CNTN5: variants seen among roughly 807,000 people sequenced by gnomAD.
The protein encoded by CNTN5 is contactin 5, also known as contactin-5.
CNTN5 carries 77 observed loss-of-function variants against 129.1 expected under a neutral mutation model. The observed-to-expected ratio is 0.60, with a 90% CI of 0.50 to 0.72. The LOEUF is 0.72. Ranked by LOEUF, CNTN5 falls within the 30% of genes least tolerant of loss-of-function variation. CNTN5 has a pLI of 0.00. For synonymous variants in CNTN5, 509 were observed against 465.6 expected (o/e 1.09, Z -1.20); for missense variants, 1,478 against 1,328.8 (o/e 1.11, Z -1.75).
chr11:99,841,865 CATATATACACATACAT>C (rs1947510990), intron 4 of CNTN5, among the ~76,000 whole-genome samples: 1 of 115,592 alleles, frequency 8.7e-6, no homozygotes, highest in Admixed American at 1.0e-4. Flanking sequence ...TATATACACA[CATATATACACATACAT>C]ATACATATAT....
chr11:99,036,478 G>C (rs1015780881), intron 1 of CNTN5, among the ~76,000 whole-genome samples: 8 of 151,888 alleles, frequency 5.3e-5, no homozygotes, highest in African/African-American at 1.7e-4. Context: ...AGTTATACAT[G>C]ATTTATATGA....
At chr11:100,137,842 A>C (rs1352241937) in intron 13 of CNTN5, among the ~76,000 whole-genome samples, 3 of 152,172 alleles carry the variant, frequency 2.0e-5, no homozygotes, top group Non-Finnish European at 4.4e-5. Flanking sequence ...GTAAAGCATT[A>C]CCCATATTTC....
intron 21 of CNTN5, among the ~76,000 whole-genome samples, chr11:100,329,796 G>T (rs766823791): frequency 1.5e-4 from 23 of 152,138 alleles, no homozygotes; most frequent in Non-Finnish European, 3.4e-4. Context: ...CATCAAGGGA[G>T]CACCCCATAG....
chr11:99,223,741 C>T (rs1860527621), intron 1 of CNTN5, among the ~76,000 whole-genome samples: 1 of 152,180 alleles, frequency 6.6e-6, no homozygotes, highest in Non-Finnish European at 1.5e-5. Flanking sequence ...TTCTTTCTCA[C>T]AGGTGAAAAT....
At chr11:100,053,773 T>G (rs1191114515) in intron 9 of CNTN5, among the ~76,000 whole-genome samples, 1 of 151,822 alleles carries the variant, frequency 6.6e-6, no homozygotes, top group Non-Finnish European at 1.5e-5. Context: ...GTATAAAGTT[T>G]TATTCATAAT....
At chr11:99,459,958 A>G (rs1401170091) in intron 2 of CNTN5, among the ~76,000 whole-genome samples, 1 of 152,022 alleles carries the variant, frequency 6.6e-6, no homozygotes, top group Non-Finnish European at 1.5e-5. Context: ...ATTACTAGAC[A>G]CATGGAAATT....
intron 16 of CNTN5, among the ~76,000 whole-genome samples, chr11:100,241,274 C>T (rs1013411115): frequency 6.6e-5 from 10 of 152,214 alleles, no homozygotes; most frequent in Non-Finnish European, 1.0e-4. Flanking sequence ...GGATCACCTT[C>T]GATGGATGGA....
intron 3 of CNTN5, among the ~76,000 whole-genome samples, chr11:99,678,522 C>A (rs140506629): frequency 2.0e-5 from 3 of 151,966 alleles, no homozygotes; most frequent in Non-Finnish European, 4.4e-5. Flanking sequence ...AGCACTTATA[C>A]GAGAAAGAAA....
Position 99,170,036 on chromosome 11 carries a change from A to G in CNTN5, c.-210+148766A>G, listed in dbSNP as rs1441584555. ...TCTTGTTTTCCAGATGGTAATCACTAATATTGTGTATCAGTTTTTTTGTGC... is the reference window on the plus strand; with the variant it reads ...TCTTGTTTTCCAGATGGTAATCACTGATATTGTGTATCAGTTTTTTTGTGC... On this transcript the variant is annotated intron_variant, in intron 1 of 24. Transcript: ENST00000524871. Among the ~76,000 whole-genome samples, 6 of 152,304 alleles carry G rather than the reference A, an allele frequency of 3.9e-5. No individual in the cohort carries two copies. In the East Asian group the frequency reaches 1.2e-3, roughly 29 times the overall value.
chr11:99,880,341 G>A (rs1948739585), intron 6 of CNTN5, among the ~76,000 whole-genome samples: 1 of 152,066 alleles, frequency 6.6e-6, no homozygotes, highest in Non-Finnish European at 1.5e-5. Context: ...CATAGAATAA[G>A]AAATAGTACT....
chr11:99,576,022 C>T (rs1455349979), intron 3 of CNTN5, among the ~76,000 whole-genome samples: 2 of 152,182 alleles, frequency 1.3e-5, no homozygotes, highest in African/African-American at 2.4e-5. Flanking sequence ...TCAGCTAAAA[C>T]TTGTGGCCTG....
At chr11:99,770,585 A>G (rs1162510326) in intron 3 of CNTN5, among the ~76,000 whole-genome samples, 1 of 151,930 alleles carries the variant, frequency 6.6e-6, no homozygotes, top group Admixed American at 6.6e-5. Flanking sequence ...CAAGTTTCCT[A>G]TGTATTATGT....
chr11:99,467,054 A>G (rs952428815), intron 2 of CNTN5, among the ~76,000 whole-genome samples: 1 of 152,088 alleles, frequency 6.6e-6, no homozygotes, highest in Admixed American at 6.6e-5. Flanking sequence ...TTCTTTCCTC[A>G]CTTGAGTAAT....
chr11:99,046,365 C>A (rs1464138905), intron 1 of CNTN5, among the ~76,000 whole-genome samples: 4 of 151,928 alleles, frequency 2.6e-5, no homozygotes, highest in Non-Finnish European at 5.9e-5. Context: ...AAGAAATACA[C>A]ATTTAGGGAC....
chr11:99,681,169 T>C (rs930560529), intron 3 of CNTN5, among the ~76,000 whole-genome samples: 1 of 152,108 alleles, frequency 6.6e-6, no homozygotes, highest in Non-Finnish European at 1.5e-5. Flanking sequence ...AATCTACTCC[T>C]GGTGAAGATG....
At chr11:99,264,618 G>C (rs1032934000) in intron 1 of CNTN5, among the ~76,000 whole-genome samples, 1 of 152,060 alleles carries the variant, frequency 6.6e-6, no homozygotes, top group Non-Finnish European at 1.5e-5. Flanking sequence ...AACATAGTTT[G>C]AGAAAACCTT....
intron 1 of CNTN5, among the ~76,000 whole-genome samples, chr11:99,239,219 TAA>T (rs1861423114): frequency 6.6e-6 from 1 of 152,216 alleles, no homozygotes; most frequent in Non-Finnish European, 1.5e-5. Flanking sequence ...TGAAAAAGTA[TAA>T]AGATTAGCTT....
In CNTN5 at chr11:99,656,609, T is replaced by TA. The variant is rs143371290; in HGVS notation, c.55+100341dup. ...CCTTAAGAGTGGGCTGATAAAATCT[T>TA]AGAGGTGACAGTTGTGCAAGGTACC... On this transcript the variant is annotated intron_variant, in intron 3 of 24. Coordinates refer to ENST00000524871, the MANE Select transcript of CNTN5 (RefSeq NM_014361.4). Among the ~76,000 whole-genome samples, 340 of 152,222 alleles carry TA rather than the reference T, an allele frequency of 2.2e-3. 1 individual carries two copies. The highest frequency in any genetic ancestry group is 7.5e-3 in the African/African-American group (310 of 41,558).
chr11:99,748,837 A>G (rs775249252), intron 3 of CNTN5, among the ~76,000 whole-genome samples: 5 of 152,114 alleles, frequency 3.3e-5, no homozygotes, highest in Non-Finnish European at 5.9e-5. Context: ...TTCTTTACTC[A>G]CTCTACTGAT....
Sources: allele counts gnomAD v4.1 joint callset (sites outside exome capture counted in the v4.1 genomes callset), GRCh38; gene constraint gnomAD v4.1.1; transcripts MANE v1.5; gene names NCBI Gene and HGNC (gene_info 2026-07-23, HGNC 2026-07-21).